Variants in TENM4 observed in about 807,000 individuals in gnomAD.
The protein encoded by TENM4 is teneurin transmembrane protein 4.
In TENM4, 82 loss-of-function variants were observed where a neutral mutation model predicts 243.3. The observed-to-expected ratio is 0.34, with a 90% CI of 0.28 to 0.40. TENM4 has a LOEUF of 0.40. Among genes scored for constraint, TENM4 ranks in the 10% least tolerant of loss-of-function variants. The pLI is 1.00. For missense variants in TENM4, 3,138 were observed against 3,673.3 expected, an observed-to-expected ratio of 0.85 and a Z score of 3.77; for synonymous variants, 1,412 against 1,456.3, an observed-to-expected ratio of 0.97 and a Z score of 0.69.
In TENM4 at chr11:78,702,495, G is replaced by C. The variant is rs888768002; in HGVS notation, c.4210-92C>G. 14 of 1,469,006 alleles carry C rather than the reference G, an allele frequency of 9.5e-6. No individual in the cohort carries two copies. In the Admixed American group the frequency reaches 2.2e-4, roughly 23 times the overall value. The allele number at this position is 1,469,006 out of a possible 1,614,324, so 91.0% of individuals were successfully genotyped here. A position where few individuals can be genotyped will look rare whatever the true frequency, so the allele number is the denominator to read the frequency against. ...CATGTAGCCCATAACAGTGTCCAAA[G>C]TGGCTTCATATACAGTCTTGCTTGA... On this transcript the variant is annotated intron_variant, in intron 27 of 33. Transcript: ENST00000278550.
chr11:79,035,128 G>T (rs1283557481), intron 6 of TENM4, among the ~76,000 whole-genome samples: 1 of 152,154 alleles, frequency 6.6e-6, no homozygotes, highest in Non-Finnish European at 1.5e-5. Context: ...GCCAAGCAGT[G>T]CAGAGGACAG....
intron 3 of TENM4, among the ~76,000 whole-genome samples, chr11:79,183,949 T>C (rs924598616): frequency 6.6e-5 from 10 of 152,172 alleles, no homozygotes; most frequent in Non-Finnish European, 1.3e-4. Flanking sequence ...TGCATGGTAA[T>C]TCCTCAATTT....
chr11:79,333,931 C>G (rs541637736), intron 1 of TENM4, among the ~76,000 whole-genome samples: 6 of 152,264 alleles, frequency 3.9e-5, no homozygotes, highest in East Asian at 3.9e-4. Context: ...CACACTTGTA[C>G]CTGTTCAATT....
chr11:79,346,002 A>T (rs17138148), intron 1 of TENM4, among the ~76,000 whole-genome samples: 3,038 of 152,276 alleles, frequency 0.02, 99 homozygotes, highest in African/African-American at 0.07. Context: ...TGTAATTATC[A>T]CATGTCTCCA....
chr11:79,190,740 T>A (rs1863462668), intron 3 of TENM4, among the ~76,000 whole-genome samples: 1 of 151,932 alleles, frequency 6.6e-6, no homozygotes, highest in Non-Finnish European at 1.5e-5. Context: ...GCAGTTTTCA[T>A]TATAATTACA....
intron 18 of TENM4, among the ~76,000 whole-genome samples, chr11:78,766,295 A>C (rs1298242141): frequency 6.6e-6 from 1 of 152,252 alleles, no homozygotes; most frequent in African/African-American, 2.4e-5. Flanking sequence ...CAAGGTGGGC[A>C]TTATTATCCT....
intron 11 of TENM4, among the ~76,000 whole-genome samples, chr11:78,855,258 G>A (rs1300792513): frequency 6.6e-6 from 1 of 152,212 alleles, no homozygotes; most frequent in Non-Finnish European, 1.5e-5. Context: ...TAGGAAGGCT[G>A]CATTTGGCCT....
intron 6 of TENM4, among the ~76,000 whole-genome samples, chr11:79,026,032 C>T (rs1012519998): frequency 2.0e-5 from 3 of 152,110 alleles, no homozygotes; most frequent in African/African-American, 4.8e-5. Context: ...TGTAAGCCTT[C>T]GATTCTCTGT....
chr11:78,813,638 T>A lies in TENM4; in HGVS notation c.1783+656A>T, dbSNP rs78667676. On this transcript the variant is annotated intron_variant, in intron 13 of 33. Transcript: ENST00000278550. ...AGTGCCAAATTATCAGGACTGCAGA[T>A]CTCCTTGACACTTTCCTTGTTAATT... Among the ~76,000 whole-genome samples, 737 of 152,304 alleles carry A rather than the reference T, an allele frequency of 4.8e-3. 10 individuals carry two copies. The highest frequency in any genetic ancestry group is 0.017 in the African/African-American group (715 of 41,572).
chr11:79,377,961 C>G lies in TENM4; in HGVS notation c.-321+62548G>C, dbSNP rs568321295. Among the ~76,000 whole-genome samples, 4 of 152,328 alleles carry G rather than the reference C, an allele frequency of 2.6e-5. No homozygotes were observed. In the South Asian group the frequency reaches 8.3e-4, roughly 32 times the overall value. ...AAGGATCTTTTCCCGGTAAGTGTGT[C>G]TTTCCCATAATACAGAGGTCAGGCT... On this transcript the variant is annotated intron_variant, in intron 1 of 33. Coordinates refer to ENST00000278550, the MANE Select transcript of TENM4 (RefSeq NM_001098816.3).
At chr11:79,390,107 A>G (rs988621930) in intron 1 of TENM4, among the ~76,000 whole-genome samples, 1 of 152,220 alleles carries the variant, frequency 6.6e-6, no homozygotes, top group African/African-American at 2.4e-5. Context: ...GGCCTAATAC[A>G]GAGCAGTGGA....
rs373197539 is a variant in TENM4 at position 79,440,450 on chromosome 11, G to A, written c.-321+59C>T. ...AGCAGTGCAGAGGGCGATGGAGCTG[G>A]CGAGGCGTCGCCGCGGTCCCCAAGG... On this transcript the variant is annotated intron_variant, in intron 1 of 33. Transcript: ENST00000278550. This position sits in a 1 kb window ranked among gnomAD's most constrained non-coding sequence, Gnocchi z 4.7. 2.0e-5 allele frequency: 3 copies of A among 152,474 alleles called. No homozygotes were observed. The highest frequency in any genetic ancestry group is 1.9e-4 in the East Asian group (1 of 5,172). 9.4% of individuals were successfully genotyped at this position (152,474 alleles called of 1,614,324 possible). A position where few individuals can be genotyped will look rare whatever the true frequency, so the allele number is the denominator to read the frequency against.
At chr11:78,676,497 A>G (rs1208161532) in intron 29 of TENM4, 110 bp from the exon 30 acceptor site, 1 of 744,998 alleles carries the variant, frequency 1.3e-6, no homozygotes, top group Non-Finnish European at 2.0e-6. Flanking sequence ...CCTAACTATG[A>G]AAGCAATACA....
At chr11:79,289,605 C>T (rs957354392) in intron 2 of TENM4, among the ~76,000 whole-genome samples, 1 of 152,250 alleles carries the variant, frequency 6.6e-6, no homozygotes, top group African/African-American at 2.4e-5. Flanking sequence ...AGCTCAACTC[C>T]TCCCTTTCTT....
intron 32 of TENM4, among the ~76,000 whole-genome samples, chr11:78,663,409 G>T (rs764557471): frequency 2.0e-5 from 3 of 152,188 alleles, no homozygotes; most frequent in African/African-American, 4.8e-5. Flanking sequence ...GTGGCCTAAT[G>T]GGGGGAGTTT....
At chr11:78,727,953 T>A (rs1855556515) in intron 22 of TENM4, among the ~76,000 whole-genome samples, 1 of 152,228 alleles carries the variant, frequency 6.6e-6, no homozygotes, top group Admixed American at 6.5e-5. Flanking sequence ...GGGAATGGGC[T>A]GGAAGACGTC....
intron 3 of TENM4, among the ~76,000 whole-genome samples, chr11:79,151,630 C>A (rs542959222): frequency 1.3e-5 from 2 of 152,162 alleles, no homozygotes; most frequent in East Asian, 1.9e-4. Flanking sequence ...ATTTCCCTTA[C>A]CCAATCCCCA....
At chr11:78,910,838 C>T (rs779704823) in intron 6 of TENM4, among the ~76,000 whole-genome samples, 1 of 152,182 alleles carries the variant, frequency 6.6e-6, no homozygotes, top group African/African-American at 2.4e-5. Flanking sequence ...AGTCCTATGT[C>T]ACGGCCAGTG....
intron 1 of TENM4, among the ~76,000 whole-genome samples, chr11:79,314,450 GC>G (rs1856771940): frequency 6.6e-6 from 1 of 152,178 alleles, no homozygotes; most frequent in Non-Finnish European, 1.5e-5. Context: ...GGAAGTTGGG[GC>G]CGGGAAGCCT....
Sources: allele counts gnomAD v4.1 joint callset (sites outside exome capture counted in the v4.1 genomes callset), GRCh38; gene constraint gnomAD v4.1.1; non-coding constraint Gnocchi (gnomAD v3.1); transcripts MANE v1.5; gene names NCBI Gene and HGNC (gene_info 2026-07-23, HGNC 2026-07-21).